The following RSRC1 variants were observed in gnomAD, a reference collection of about 807,000 sequenced individuals.
The protein encoded by RSRC1 is serine/Arginine-related protein 53.
In RSRC1, 39 loss-of-function variants were observed where a neutral mutation model predicts 49.1. The observed-to-expected ratio is 0.79, with a 90% confidence interval of 0.61 to 1.04. The LOEUF is 1.04. Ranked by LOEUF, RSRC1 falls within the 50% of genes least tolerant of loss-of-function variation. The pLI, the probability that RSRC1 is intolerant of heterozygous loss-of-function variation, is 0.00. For missense variants in RSRC1, 388 were observed against 402.4 expected (o/e 0.96, Z 0.31); for synonymous variants, 143 against 130.8 (o/e 1.09, Z -0.63).
intron 7 of RSRC1, among the ~76,000 whole-genome samples, chr3:158,467,694 G>C (rs1259825055): frequency 6.6e-6 from 1 of 152,068 alleles, no homozygotes; most frequent in African/African-American, 2.4e-5. Flanking sequence ...GTATAGTTAT[G>C]GGCTAAATTG....
Position 158,487,946 on chromosome 3 carries a change from C to CA in RSRC1, c.652+26945dup, listed in dbSNP as rs1303656428. Among the ~76,000 whole-genome samples, 20 of 11,472 alleles carry CA rather than the reference C, an allele frequency of 1.7e-3. 1 individual carries two copies. The highest frequency in any genetic ancestry group is 4.3e-3 in the South Asian group (1 of 230). The allele number at this position is 11,472 out of a possible 152,430, so 7.5% of individuals were successfully genotyped here. ...GCCTAGGAGACAAGAGACTCCATCT[C>CA]AAGAAAAAAAAAAAAAAAAAAAAAA... On this transcript the variant is annotated intron_variant, in intron 7 of 9. Coordinates refer to ENST00000611884, the MANE Select transcript of RSRC1 (RefSeq NM_001271838.2).
intron 3 of RSRC1, among the ~76,000 whole-genome samples, chr3:158,163,653 A>C (rs778493294): frequency 5.9e-5 from 9 of 152,204 alleles, no homozygotes; most frequent in Admixed American, 1.3e-4. Context: ...ATAGTAGGAC[A>C]TTTACACTCT....
intron 3 of RSRC1, chr3:158,132,167 G>T (rs1716077390): frequency 6.7e-6 from 3 of 445,806 alleles, no homozygotes; most frequent in African/African-American, 2.0e-5. Context: ...TGTATTTTTG[G>T]CGGAGATGGG....
intron 5 of RSRC1, among the ~76,000 whole-genome samples, chr3:158,341,668 C>T (rs1434785271): frequency 6.6e-6 from 1 of 152,218 alleles, no homozygotes; most frequent in Non-Finnish European, 1.5e-5. Flanking sequence ...AGAGCCCCCA[C>T]ACAGAGTCCC....
intron 5 of RSRC1, among the ~76,000 whole-genome samples, chr3:158,348,373 C>G: frequency 6.6e-6 from 1 of 151,956 alleles, no homozygotes; most frequent in Non-Finnish European, 1.5e-5. Flanking sequence ...ATGGGTGGCT[C>G]AAAGGATTAT....
At chr3:158,379,068 C>G (rs1257403520) in intron 6 of RSRC1, among the ~76,000 whole-genome samples, 1 of 146,636 alleles carries the variant, frequency 6.8e-6, no homozygotes, top group East Asian at 1.9e-4. Context: ...AAGTCACCAC[C>G]ATCTCTCACC....
chr3:158,466,494 G>A (rs963503375), intron 7 of RSRC1, among the ~76,000 whole-genome samples: 36 of 152,216 alleles, frequency 2.4e-4, no homozygotes, highest in African/African-American at 8.2e-4. Flanking sequence ...TTAAACATTA[G>A]GAAGCTGACA....
chr3:158,274,854 T>C (rs536736778), intron 4 of RSRC1, among the ~76,000 whole-genome samples: 1 of 152,302 alleles, frequency 6.6e-6, no homozygotes, highest in Non-Finnish European at 1.5e-5. Context: ...TTGGAAACCA[T>C]GCACTTGTAT....
intron 4 of RSRC1, among the ~76,000 whole-genome samples, chr3:158,293,119 G>A (rs1483360204): frequency 2.0e-5 from 3 of 152,090 alleles, no homozygotes; most frequent in African/African-American, 4.8e-5. Flanking sequence ...CTTAAACTTA[G>A]GTGTCCCAAT....
intron 4 of RSRC1, among the ~76,000 whole-genome samples, chr3:158,266,784 G>T (rs1725207936): frequency 6.6e-6 from 1 of 151,486 alleles, no homozygotes. Flanking sequence ...TTTCACTCCT[G>T]TTGCCCAGGC....
chr3:158,141,778 A>G (rs1019844906), intron 3 of RSRC1, among the ~76,000 whole-genome samples: 11 of 152,274 alleles, frequency 7.2e-5, no homozygotes, highest in African/African-American at 2.6e-4. Flanking sequence ...CAATCTCATT[A>G]AAAGATTAGG....
intron 5 of RSRC1, among the ~76,000 whole-genome samples, chr3:158,321,084 T>C (rs1054823376): frequency 3.3e-5 from 5 of 152,118 alleles, no homozygotes; most frequent in African/African-American, 1.2e-4. Flanking sequence ...CCATGCATGA[T>C]ACCCATATTA....
At chr3:158,515,272 G>C (rs1740448699) in intron 7 of RSRC1, among the ~76,000 whole-genome samples, 1 of 151,536 alleles carries the variant, frequency 6.6e-6, no homozygotes. Context: ...CTTCCTTCAG[G>C]AGCTCTTTTA....
At chr3:158,369,505 G>C (rs1366176180) in intron 6 of RSRC1, among the ~76,000 whole-genome samples, 1 of 152,038 alleles carries the variant, frequency 6.6e-6, no homozygotes, top group Admixed American at 6.6e-5. Context: ...ATTTTAGTCT[G>C]GTGGAACTAA....
At chr3:158,408,004 T>C (rs2108317210) in intron 6 of RSRC1, among the ~76,000 whole-genome samples, 1 of 152,312 alleles carries the variant, frequency 6.6e-6, no homozygotes, top group Non-Finnish European at 1.5e-5. Flanking sequence ...ATATGATTTT[T>C]ACAAGTTAGA....
At chr3:158,272,766 T>A (rs911614025) in intron 4 of RSRC1, among the ~76,000 whole-genome samples, 4 of 152,058 alleles carry the variant, frequency 2.6e-5, no homozygotes, top group African/African-American at 4.8e-5. Flanking sequence ...ACTATTGATG[T>A]AAATTCAAAC....
chr3:158,287,606 G>T (rs1726648324), intron 4 of RSRC1, among the ~76,000 whole-genome samples: 1 of 152,068 alleles, frequency 6.6e-6, no homozygotes, highest in African/African-American at 2.4e-5. Flanking sequence ...CTGTATGCAG[G>T]ATAGTATGCA....
At chr3:158,427,236 A>C (rs967107979) in intron 6 of RSRC1, among the ~76,000 whole-genome samples, 1 of 151,854 alleles carries the variant, frequency 6.6e-6, no homozygotes, top group Admixed American at 6.6e-5. Flanking sequence ...CACCACCTAG[A>C]TGAAAGCAAC....
intron 6 of RSRC1, among the ~76,000 whole-genome samples, chr3:158,454,875 C>T (rs1219653915): frequency 1.3e-5 from 2 of 152,114 alleles, no homozygotes; most frequent in Admixed American, 1.3e-4. Context: ...GTTGTTGGTA[C>T]TGACATACTG....
Sources: gnomAD v4.1 joint callset for allele counts (sites outside exome capture counted in the v4.1 genomes callset) on GRCh38, gnomAD v4.1.1 for gene constraint, MANE v1.5 for transcripts, NCBI Gene and HGNC (gene_info 2026-07-23, HGNC 2026-07-21) for gene names.